Variants in BMERB1 observed in about 807,000 individuals in gnomAD.
BMERB1 encodes bMERB domain containing 1.
Under a neutral mutation model 23.6 loss-of-function variants are expected in BMERB1, and 12 were observed. That is an observed-to-expected ratio of 0.51 (90% confidence interval 0.33 to 0.82). The LOEUF (loss-of-function observed/expected upper bound fraction) is 0.82, where lower values mean the gene tolerates loss of function less well. BMERB1 is among the 40% of genes least tolerant of loss of function. The probability of loss-of-function intolerance (pLI) is 0.03; values close to 1 mark genes in which losing one functional copy is unlikely to be tolerated. For missense variants in BMERB1, 247 were observed against 255.4 expected (o/e 0.97, Z 0.22); for synonymous variants, 122 against 96.6 (o/e 1.26, Z -1.54).
intron 2 of BMERB1, among the ~76,000 whole-genome samples, chr16:15,520,523 CCAGGCTGGAGTG>C (rs1213784335): frequency 2.7e-5 from 4 of 148,722 alleles, no homozygotes; most frequent in African/African-American, 1.0e-4. Flanking sequence ...GATCTGCCAC[CCAGGCTGGAGTG>C]CAGTGGGGCA....
intron 2 of BMERB1, among the ~76,000 whole-genome samples, chr16:15,518,061 G>C (rs1035054302): frequency 2.4e-4 from 36 of 152,114 alleles, no homozygotes; most frequent in African/African-American, 8.4e-4. Context: ...ATGGATATGT[G>C]TGTGTGTATG....
At chr16:15,456,779 A>G (rs1278130315) in intron 1 of BMERB1, among the ~76,000 whole-genome samples, 1 of 152,168 alleles carries the variant, frequency 6.6e-6, no homozygotes. Context: ...ATGCTGCAAT[A>G]AATATCTTTT....
At chr16:15,538,851 G>A (rs2052052439) in intron 2 of BMERB1, among the ~76,000 whole-genome samples, 1 of 152,154 alleles carries the variant, frequency 6.6e-6, no homozygotes, top group East Asian at 1.9e-4. Context: ...ATGTGGTGAA[G>A]GGGCCCATGT....
intron 2 of BMERB1, among the ~76,000 whole-genome samples, chr16:15,521,546 A>G (rs1300653990): frequency 6.6e-6 from 1 of 152,176 alleles, no homozygotes; most frequent in Non-Finnish European, 1.5e-5. Flanking sequence ...AATCAGGCCC[A>G]GGAGGTCAAG....
Position 15,560,952 on chromosome 16 carries a change from C to CTTTTTT in BMERB1, c.231-7014_231-7009dup, listed in dbSNP as rs1166759122. Among the ~76,000 whole-genome samples, 135 of 106,644 alleles carry CTTTTTT rather than the reference C, an allele frequency of 1.3e-3. 2 individuals are homozygous for CTTTTTT. The highest frequency in any genetic ancestry group is 3.8e-3 in the African/African-American group (93 of 24,546). 70.0% of individuals were successfully genotyped at this position (106,644 alleles called of 152,430 possible). On this transcript the variant is annotated intron_variant, in intron 2 of 5. Transcript: ENST00000300006. ...TTTCTCTTTCCTTTTTTCTCTGCTG[C>CTTTTTT]TTTTTTTTTTTTTTTTTTTTTTGAG...
Position 15,434,772 on chromosome 16 carries a change from G to A in BMERB1, c.106+13G>A. The A allele has an allele frequency of 2.3e-6, 1 of 440,664 alleles. No homozygotes were observed. The highest frequency in any genetic ancestry group is 4.5e-6 in the Non-Finnish European group (1 of 224,066). 27.3% of individuals were successfully genotyped at this position (440,664 alleles called of 1,614,324 possible). On this transcript the variant is annotated intron_variant, in intron 1 of 5. Coordinates refer to ENST00000300006, the MANE Select transcript of BMERB1 (RefSeq NM_033201.3). ...AGACTGGGGAGAAGTGAGTACTGGG[G>A]CGGGGGGCGGGGGGCCGGGGACAGC...
intron 1 of BMERB1, among the ~76,000 whole-genome samples, chr16:15,465,353 ATTTT>A (rs4012914): frequency 7.5e-6 from 1 of 133,414 alleles, no homozygotes; most frequent in Non-Finnish European, 1.6e-5. Context: ...TAAGATATAT[ATTTT>A]TTTTTTTTTT....
chr16:15,584,410 T>C (rs1026116149), intron 5 of BMERB1, among the ~76,000 whole-genome samples: 3 of 151,846 alleles, frequency 2.0e-5, no homozygotes, highest in South Asian at 2.1e-4. Flanking sequence ...TACAAAAAAT[T>C]AGCCGGGCTT....
chr16:15,532,603 T>C (rs1354446984), intron 2 of BMERB1, among the ~76,000 whole-genome samples: 3 of 136,846 alleles, frequency 2.2e-5, no homozygotes, highest in South Asian at 2.4e-4. Context: ...TGGAGTGCAG[T>C]GGCACGATCT....
At chr16:15,579,169 A>G (rs146947770) in intron 3 of BMERB1, among the ~76,000 whole-genome samples, 2 of 152,294 alleles carry the variant, frequency 1.3e-5, no homozygotes, top group East Asian at 1.9e-4. Flanking sequence ...GCACTTGGGA[A>G]TGTCAGAGTG....
At chr16:15,496,631 C>T (rs1056378287) in intron 1 of BMERB1, among the ~76,000 whole-genome samples, 5 of 152,140 alleles carry the variant, frequency 3.3e-5, no homozygotes, top group Non-Finnish European at 5.9e-5. Flanking sequence ...CTCCGCCTCC[C>T]GGGTTCACGC....
chr16:15,583,023 G>A (rs889031874), intron 4 of BMERB1, 133 bp from the exon 5 acceptor site: 11 of 722,602 alleles, frequency 1.5e-5, no homozygotes, highest in Non-Finnish European at 1.8e-5. Context: ...TACTGTACAC[G>A]CATAACACGT....
chr16:15,546,293 CACAA>C (rs1185491900), intron 2 of BMERB1, among the ~76,000 whole-genome samples: 5 of 152,118 alleles, frequency 3.3e-5, no homozygotes, highest in East Asian at 3.9e-4. Context: ...GTTTCCCTGT[CACAA>C]ACAAACAAAC....
At position 15,587,733 on chromosome 16, in the gene BMERB1, C is replaced by A; in HGVS notation, c.*904C>A. 1 of 290,232 alleles carries A rather than the reference C, an allele frequency of 3.4e-6. No individual in the cohort carries two copies. The highest frequency in any genetic ancestry group is 7.2e-6 in the Non-Finnish European group (1 of 139,448). 18.0% of individuals were successfully genotyped at this position (290,232 alleles called of 1,614,324 possible). On this transcript the variant is annotated 3_prime_UTR_variant, in exon 6 of 6. Transcript: ENST00000300006. ...AAAGAACAGCAACAGGCAGGAGAGGCAGCGTGTGACCAGATTGTGTCCCGT... is the reference window on the plus strand; with the variant it reads ...AAAGAACAGCAACAGGCAGGAGAGGAAGCGTGTGACCAGATTGTGTCCCGT...
intron 2 of BMERB1, 44 bp downstream of exon 2, chr16:15,515,472 G>T (rs764994079): frequency 4.4e-6 from 7 of 1,594,702 alleles, no homozygotes; most frequent in Non-Finnish European, 3.4e-6. Flanking sequence ...GTGTGTGGAG[G>T]AGAGAGGAAA....
At chr16:15,496,116 G>GGTGATAATGGTGATA (rs1370869831) in intron 1 of BMERB1, among the ~76,000 whole-genome samples, 1 of 147,594 alleles carries the variant, frequency 6.8e-6, no homozygotes, top group Non-Finnish European at 1.5e-5. Flanking sequence ...TAGTAATGAT[G>GGTGATAATGGTGATA]GTGATAATGG....
intron 1 of BMERB1, among the ~76,000 whole-genome samples, chr16:15,486,452 A>G (rs1293950300): frequency 2.0e-5 from 3 of 152,114 alleles, no homozygotes; most frequent in Non-Finnish European, 4.4e-5. Context: ...TGTCTCCTCT[A>G]TTCTTCTATC....
intron 3 of BMERB1, among the ~76,000 whole-genome samples, chr16:15,570,695 T>A (rs559633806): frequency 2.0e-4 from 31 of 152,232 alleles, no homozygotes; most frequent in African/African-American, 7.5e-4. Flanking sequence ...GGCTACTCTG[T>A]AGGCAGGGTA....
At chr16:15,515,516 G>A (rs1002723041) in intron 2 of BMERB1, 88 bp downstream of exon 2, 4 of 1,494,264 alleles carry the variant, frequency 2.7e-6, no homozygotes, top group Non-Finnish European at 3.6e-6. Flanking sequence ...CTGTGTGCCA[G>A]GCACTGAGAT....
Sources: gnomAD v4.1 joint callset for allele counts (sites outside exome capture counted in the v4.1 genomes callset) on GRCh38, gnomAD v4.1.1 for gene constraint, MANE v1.5 for transcripts, NCBI Gene and HGNC (gene_info 2026-07-23, HGNC 2026-07-21) for gene names.